CARF: variants seen among roughly 807,000 people sequenced by gnomAD.
CARF encodes the protein calcium-responsive transcription factor.
In CARF, 57 loss-of-function variants were observed where a neutral mutation model predicts 82.0. That is an observed-to-expected ratio of 0.70 (90% CI 0.56 to 0.87). The LOEUF (loss-of-function observed/expected upper bound fraction) is 0.87. CARF is among the 40% of genes least tolerant of loss of function. The pLI is 0.00. For synonymous variants in CARF, 268 were observed against 290.1 expected, an observed-to-expected ratio of 0.92 and a Z score of 0.77; for missense variants, 771 against 855.8, an observed-to-expected ratio of 0.90 and a Z score of 1.24.
intron 10 of CARF, among the ~76,000 whole-genome samples, chr2:202,967,850 T>C (rs11675913): frequency 0.9 from 136,965 of 152,146 alleles, 62,101 homozygotes; most frequent in Non-Finnish European, 0.95. Context: ...ATGAGACCAA[T>C]GTAGTAAGTT....
intron 1 of CARF, among the ~76,000 whole-genome samples, chr2:202,917,079 C>T (rs1040425654): frequency 4.0e-5 from 6 of 150,878 alleles, no homozygotes; most frequent in Admixed American, 6.6e-5. Flanking sequence ...GGCGTAGTGG[C>T]GGGCGCCTGT....
At chr2:202,956,452 C>T (rs929832773) in intron 8 of CARF, among the ~76,000 whole-genome samples, 4 of 151,958 alleles carry the variant, frequency 2.6e-5, no homozygotes, top group African/African-American at 9.7e-5. Flanking sequence ...GATGGGATTA[C>T]ACCATGTTGG....
Position 202,985,449 on chromosome 2 carries a change from ATAT to A in CARF, c.*1827_*1829del, listed in dbSNP as rs1210400397. On this transcript the variant is annotated 3_prime_UTR_variant, in exon 17 of 17. Transcript: ENST00000438828. Reference sequence around the variant, plus strand: ...TTATACCCTTTTTAATGCAAAGCTAATATTTAGTTATATGTATGATTTTTAATA... The same window carrying A: ...TTATACCCTTTTTAATGCAAAGCTAATTAGTTATATGTATGATTTTTAATA... The A allele has an allele frequency of 9.2e-5, 14 of 152,138 alleles. No homozygotes were observed. Among genetic ancestry groups the A allele is most frequent in the African/African-American group, 2.9e-4 (12 of 41,560 alleles). 9.4% of individuals were successfully genotyped at this position (152,138 alleles called of 1,614,324 possible). A position where few individuals can be genotyped will look rare whatever the true frequency, so the allele number is the denominator to read the frequency against.
At chr2:202,957,008 C>T (rs1362041345) in intron 8 of CARF, among the ~76,000 whole-genome samples, 4 of 151,930 alleles carry the variant, frequency 2.6e-5, no homozygotes, top group East Asian at 1.9e-4. Flanking sequence ...AGGCTGGTCT[C>T]GAACTCCCGA....
rs1408616775 is a variant in CARF at position 202,924,417 on chromosome 2, T to C, written c.-44+2T>C. 6.6e-6 allele frequency: 1 copy of C among 152,234 alleles called. No individual in the cohort carries two copies. Among genetic ancestry groups the C allele is most frequent in the African/African-American group, 2.4e-5 (1 of 41,466 alleles). The allele number at this position is 152,234 out of a possible 1,614,324, so 9.4% of individuals were successfully genotyped here. ...AGTTGATTTGCTATCTGGTGTGAGGTAAGGGTCAAGGTTTATTGTTTTACA... is the reference window on the plus strand; with the variant it reads ...AGTTGATTTGCTATCTGGTGTGAGGCAAGGGTCAAGGTTTATTGTTTTACA... On this transcript the variant is annotated splice_donor_variant, in intron 3 of 16. Coordinates refer to ENST00000438828, the MANE Select transcript of CARF (RefSeq NM_024744.17). LOFTEE classifies it low-confidence loss of function (5UTR_SPLICE).
Position 202,972,228 on chromosome 2 carries a change from A to G in CARF, c.1331+490A>G, listed in dbSNP as rs182030034. Among the ~76,000 whole-genome samples the G allele has an allele frequency of 8.3e-4, 126 of 152,152 alleles. 7 individuals carry two copies. Among genetic ancestry groups the G allele is most frequent in the Middle Eastern group, 6.8e-3 (2 of 294 alleles). Reference sequence around the variant, plus strand: ...AATAATAATAATTATATAAGTAATTATATAATTACTTATTTTGTGTGTGCC... The same window carrying G: ...AATAATAATAATTATATAAGTAATTGTATAATTACTTATTTTGTGTGTGCC... On this transcript the variant is annotated intron_variant, in intron 12 of 16. Transcript: ENST00000438828.
At chr2:202,964,524 G>T (rs555415581) in intron 9 of CARF, among the ~76,000 whole-genome samples, 1 of 151,892 alleles carries the variant, frequency 6.6e-6, no homozygotes, top group Non-Finnish European at 1.5e-5. Flanking sequence ...CAAGCAATCT[G>T]CCCACTTCAG....
chr2:202,947,372 A>G (rs967676795), intron 5 of CARF, among the ~76,000 whole-genome samples: 1 of 152,200 alleles, frequency 6.6e-6, no homozygotes, highest in Non-Finnish European at 1.5e-5. Context: ...AATCTAACAC[A>G]GGAACAGAAA....
At chr2:202,935,976 C>T (rs935775773) in intron 3 of CARF, among the ~76,000 whole-genome samples, 1 of 151,954 alleles carries the variant, frequency 6.6e-6, no homozygotes, top group African/African-American at 2.4e-5. Context: ...GCCACCATAC[C>T]CAGCTAATTT....
Position 202,941,750 on chromosome 2 carries a change from C to A in CARF, c.-43-110C>A, listed in dbSNP as rs565348913. The stretch of plus-strand genomic sequence containing the variant: ...AATCTATAGAATGGAATTGATTTTA[C>A]CTAAATTATATAGGGTACCACAGTA... On this transcript the variant is annotated intron_variant, in intron 3 of 16. Transcript: ENST00000438828. 7.3e-5 allele frequency: 37 copies of A among 507,052 alleles called. No individual in the cohort carries two copies. In the South Asian group the frequency reaches 1.1e-3, roughly 15 times the overall value. The allele number at this position is 507,052 out of a possible 1,614,324, so 31.4% of individuals were successfully genotyped here. A position where few individuals can be genotyped will look rare whatever the true frequency, so the allele number is the denominator to read the frequency against.
chr2:202,921,739 A>G (rs1264272698), intron 2 of CARF, among the ~76,000 whole-genome samples: 1 of 152,228 alleles, frequency 6.6e-6, no homozygotes, highest in East Asian at 1.9e-4. Flanking sequence ...TTTCTGTAAA[A>G]TTATAAGTGA....
intron 14 of CARF, among the ~76,000 whole-genome samples, chr2:202,980,021 G>A (rs920715917): frequency 2.0e-5 from 3 of 152,116 alleles, no homozygotes; most frequent in Admixed American, 6.5e-5. Flanking sequence ...ACAGTGGGAC[G>A]ATCTTGGCTC....
rs2059009198 is a variant in CARF, at chr2:202,955,821, A to G, written c.642+63A>G. 3 of 1,260,172 alleles carry G rather than the reference A, an allele frequency of 2.4e-6. No individual in the cohort carries two copies. The Admixed American group carries it at 5.8e-5, about 25-fold the overall frequency. The allele number at this position is 1,260,172 out of a possible 1,614,324, so 78.1% of individuals were successfully genotyped here. On this transcript the variant is annotated intron_variant, in intron 8 of 16. Transcript: ENST00000438828. ...TGATTATAACCACAGGTCATCCCCAAATGCCACTTTTGAGTACAACTAATA... is the reference window on the plus strand; with the variant it reads ...TGATTATAACCACAGGTCATCCCCAGATGCCACTTTTGAGTACAACTAATA...
At chr2:202,916,911 G>A (rs1689772708) in intron 1 of CARF, among the ~76,000 whole-genome samples, 1 of 152,036 alleles carries the variant, frequency 6.6e-6, no homozygotes, top group South Asian at 2.1e-4. Context: ...TTTCTTCCCA[G>A]AATAAAAACG....
intron 2 of CARF, 135 bp from the exon 3 acceptor site, chr2:202,924,162 G>A (rs886535694): frequency 5.3e-5 from 8 of 152,318 alleles, no homozygotes; most frequent in Non-Finnish European, 1.0e-4. Context: ...GTTCTTTAGA[G>A]TTTGAATATA....
At position 202,912,719 on chromosome 2, in the gene CARF, C is replaced by G. The variant is rs1277829270; in HGVS notation, c.-713C>G. On this transcript the variant is annotated 5_prime_UTR_variant, in exon 1 of 17. Transcript: ENST00000438828. ...GGTGTCTTCAGGAGGGTTGCTGAGC[C>G]CAAGGACGCGCCATCGCCGCGGAGA... is the stretch of plus-strand genomic sequence containing the variant. 1.3e-5 allele frequency: 2 copies of G among 151,058 alleles called. No homozygotes were observed. The highest frequency in any genetic ancestry group is 4.9e-5 in the African/African-American group (2 of 41,228). The allele number at this position is 151,058 out of a possible 1,614,324, so 9.4% of individuals were successfully genotyped here.
chr2:202,985,429 C>A lies in CARF; in HGVS notation c.*1805C>A, dbSNP rs562561312. ...TTTAATATAAAGTTTATTATTTATACCCTTTTTAATGCAAAGCTAATATTT... is the reference window on the plus strand; with the variant it reads ...TTTAATATAAAGTTTATTATTTATAACCTTTTTAATGCAAAGCTAATATTT... On this transcript the variant is annotated 3_prime_UTR_variant, in exon 17 of 17. Transcript: ENST00000438828. The A allele has an allele frequency of 1.1e-3, 170 of 151,908 alleles. 1 individual carries two copies. The highest frequency in any genetic ancestry group is 3.9e-3 in the African/African-American group (162 of 41,480). 9.4% of individuals were successfully genotyped at this position (151,908 alleles called of 1,614,324 possible).
chr2:202,949,607 G>A (rs913436156), intron 5 of CARF, among the ~76,000 whole-genome samples: 3 of 150,044 alleles, frequency 2.0e-5, no homozygotes, highest in African/African-American at 7.4e-5. Flanking sequence ...CTGGAGTGCA[G>A]TTGCGTGATC....
In CARF at chr2:202,983,555, A is replaced by G. The variant is rs2060348556; in HGVS notation, c.2109A>G (p.Glu703=). ...TTTCTGTGAGCCAAGTTAAACAAGA[A>G]CCCAAAGAACCAGCATTGTCTATGG... ...STISVSQVKQ[E]PKEPALSMEA... Residue 703 remains glutamate, a synonymous_variant, in exon 17 of 17, where the codon GAA becomes GAG. Transcript: ENST00000438828. 4 of 1,612,112 alleles carry G rather than the reference A, an allele frequency of 2.5e-6. No homozygotes were observed. In the East Asian group the frequency reaches 8.9e-5, roughly 36 times the overall value.
Sources: allele counts gnomAD v4.1 joint callset (sites outside exome capture counted in the v4.1 genomes callset), GRCh38; gene constraint gnomAD v4.1.1; transcripts MANE v1.5; gene names NCBI Gene and HGNC (gene_info 2026-07-23, HGNC 2026-07-21).